Variants in CLEC12A observed in about 807,000 individuals in gnomAD.
CLEC12A encodes the protein C-type lectin domain family 12 member A, also known as C-type lectin protein CLL-1.
Under a neutral mutation model 26.5 loss-of-function variants are expected in CLEC12A, and 22 were observed. The observed-to-expected ratio is 0.83, with a 90% CI of 0.59 to 1.19. The LOEUF (loss-of-function observed/expected upper bound fraction) is 1.19. CLEC12A is among the 50% of genes most tolerant of loss of function. CLEC12A has a pLI of 0.00. For missense variants in CLEC12A, 353 were observed against 315.6 expected (o/e 1.12, Z -0.90); for synonymous variants, 119 against 101.9 (o/e 1.17, Z -1.01).
At chr12:9,997,606 C>T (rs532571523), downstream of CLEC12A, among the ~76,000 whole-genome samples, 42 of 152,264 alleles carry the variant, frequency 2.8e-4, no homozygotes, top group South Asian at 8.7e-3. Context: ...TGAATGACCT[C>T]TTATTTTCTG....
chr12:9,988,090 A>T (rs1331870406), downstream of CLEC12A, among the ~76,000 whole-genome samples: 1 of 152,106 alleles, frequency 6.6e-6, no homozygotes, highest in Non-Finnish European at 1.5e-5. Context: ...GAGATTTGGG[A>T]GGTCCAGGGA....
chr12:9,986,041 G>A (rs1864757713), downstream of CLEC12A: 3 of 409,618 alleles, frequency 7.3e-6, no homozygotes, highest in Non-Finnish European at 1.5e-5. Flanking sequence ...AGGGAAGGGG[G>A]CTTGTATAGT....
chr12:9,991,274 C>CTA lies in CLEC12A; in HGVS notation n.1005-3742_1005-3741dup, dbSNP rs550427888. On this transcript the variant is annotated intron_variant and non_coding_transcript_variant, in intron 4 of 4. Transcript: ENST00000449959. ...CTGATCTGTGCTACTAACGTTTGTG[C>CTA]TATTTTGATTTTATGTATAAGATAC... The CTA allele has an allele frequency of 2.2e-3, 336 of 152,160 alleles. 2 individuals carry two copies. The highest frequency in any genetic ancestry group is 7.9e-3 in the African/African-American group (326 of 41,510). 9.4% of individuals were successfully genotyped at this position (152,160 alleles called of 1,614,324 possible). A position where few individuals can be genotyped will look rare whatever the true frequency, so the allele number is the denominator to read the frequency against.
intron 1 of CLEC12A, chr12:9,951,718 T>G (rs1200668056): frequency 3.3e-6 from 1 of 298,816 alleles, no homozygotes; most frequent in Admixed American, 4.5e-5. Context: ...CTGGTGGTTG[T>G]TTGTGTGTTG....
intron 4 of CLEC12A, among the ~76,000 whole-genome samples, chr12:9,990,754 T>C (rs1308135690): frequency 6.6e-6 from 1 of 152,176 alleles, no homozygotes; most frequent in Non-Finnish European, 1.5e-5. Context: ...CAGCATCGCA[T>C]TCTACAGATA....
chr12:9,998,844 C>A (rs1040801317), downstream of CLEC12A, among the ~76,000 whole-genome samples: 1 of 152,110 alleles, frequency 6.6e-6, no homozygotes, highest in Non-Finnish European at 1.5e-5. Flanking sequence ...TTTCCCTGCA[C>A]ATATATTGGA....
At chr12:9,974,324 C>G (rs1022890084) in intron 1 of CLEC12A, among the ~76,000 whole-genome samples, 5 of 152,132 alleles carry the variant, frequency 3.3e-5, no homozygotes, top group Non-Finnish European at 7.3e-5. Flanking sequence ...TACTCTGAAG[C>G]CCTGTCCTGG....
At chr12:9,992,370 G>C (rs1340593200) in intron 4 of CLEC12A, 1 of 152,058 alleles carries the variant, frequency 6.6e-6, no homozygotes, top group Non-Finnish European at 1.5e-5. Context: ...GGTAGACTTG[G>C]AATAGTAATT....
At chr12:9,984,765 C>T in intron 5 of CLEC12A, 105 bp from the exon 6 acceptor site, 2 of 1,040,064 alleles carry the variant, frequency 1.9e-6, no homozygotes, top group Non-Finnish European at 2.5e-6. Flanking sequence ...TTAAACAACA[C>T]AGAGTCTAGG....
In CLEC12A at chr12:9,979,382, A is replaced by G. The variant is rs1864461874; in HGVS notation, c.237A>G (p.Gln79=). The change falls in exon 3 of 6, where the codon CAA becomes CAG. Residue 79 remains glutamine, a synonymous_variant. Transcript: ENST00000304361. ...KIEMKKMNKL[Q]NISEELQRNI... is the part of the protein sequence containing the mutation. ...AAATGAAAAAAATGAACAAACTACAAAACATCAGTGAAGAGCTCCAGAGAA... is the reference window on the plus strand; with the variant it reads ...AAATGAAAAAAATGAACAAACTACAGAACATCAGTGAAGAGCTCCAGAGAA... 3 of 1,607,902 alleles carry G rather than the reference A, an allele frequency of 1.9e-6. No homozygotes were observed. The East Asian group carries it at 6.7e-5, about 36-fold the overall frequency.
downstream of CLEC12A, chr12:9,999,416 C>T (rs4764178): frequency 0.44 from 92,467 of 210,466 alleles, 20,687 homozygotes; most frequent in Non-Finnish European, 0.46. Context: ...CCATCATGTG[C>T]ATCCTTTCTA....
intron 3 of CLEC12A, among the ~76,000 whole-genome samples, chr12:9,979,726 C>T (rs1003257022): frequency 6.6e-6 from 1 of 152,204 alleles, no homozygotes; most frequent in Non-Finnish European, 1.5e-5. Flanking sequence ...CAACAATAGG[C>T]CCCCAAATTA....
At chr12:9,951,726 TTGA>T in intron 1 of CLEC12A, 1 of 292,164 alleles carries the variant, frequency 3.4e-6, no homozygotes, top group South Asian at 3.6e-5. Context: ...TGTTTGTGTG[TTGA>T]TGTAGTTGTG....
chr12:9,998,458 C>T (rs1865105010), downstream of CLEC12A: 3 of 1,025,254 alleles, frequency 2.9e-6, no homozygotes, highest in East Asian at 2.4e-5. Context: ...TGCCCCTGCC[C>T]CTGCCTTCTC....
chr12:9,991,934 C>T (rs1378592514), intron 4 of CLEC12A: 1 of 152,096 alleles, frequency 6.6e-6, no homozygotes, highest in Non-Finnish European at 1.5e-5. Context: ...TGTCGTGATG[C>T]TGGTAAAAAC....
At chr12:9,981,087 A>G (rs1565561365) in intron 4 of CLEC12A, among the ~76,000 whole-genome samples, 1 of 152,208 alleles carries the variant, frequency 6.6e-6, no homozygotes, top group African/African-American at 2.4e-5. Context: ...TAGCAATTCC[A>G]TAAGAACTAC....
At chr12:9,959,439 C>A (rs944760966) in intron 1 of CLEC12A, among the ~76,000 whole-genome samples, 1 of 135,214 alleles carries the variant, frequency 7.4e-6, no homozygotes, top group Non-Finnish European at 1.6e-5. Flanking sequence ...GAGAGAAGAG[C>A]GAAACTCTGT....
rs141963939 is a variant in CLEC12A, at chr12:9,963,100, C to T, written c.11-8477C>T. ...AGAATTATTCGTGATGGCCTGGATA[C>T]GGTTTTGTATGAATTGAAAAACTAA... On this transcript the variant is annotated intron_variant, in intron 1 of 6. Transcript: ENST00000355690. 1.3e-3 allele frequency among the ~76,000 whole-genome samples: 194 copies of T among 152,042 alleles called. 2 individuals are homozygous for T. In the East Asian group the frequency reaches 0.025, roughly 19 times the overall value.
At chr12:9,989,421 C>G (rs1472661500), downstream of CLEC12A, among the ~76,000 whole-genome samples, 1 of 151,712 alleles carries the variant, frequency 6.6e-6, no homozygotes, top group Non-Finnish European at 1.5e-5. Context: ...AGTAAGAAAA[C>G]AAGATAGCCT....
Sources: gnomAD v4.1 joint callset for allele counts (sites outside exome capture counted in the v4.1 genomes callset) on GRCh38, gnomAD v4.1.1 for gene constraint, MANE v1.5 for transcripts, NCBI Gene and HGNC (gene_info 2026-07-23, HGNC 2026-07-21) for gene names.